Variants in GABRB1 observed in about 807,000 individuals in gnomAD.
GABRB1 encodes gamma-aminobutyric acid receptor subunit beta-1.
A neutral mutation model predicts 51.6 loss-of-function variants in GABRB1; 17 were observed. That is an observed-to-expected ratio of 0.33 (90% CI 0.23 to 0.49). The LOEUF (loss-of-function observed/expected upper bound fraction) is 0.49. GABRB1 is among the 20% of genes least tolerant of loss of function. The pLI is 0.99. For missense variants in GABRB1, 410 were observed against 600.6 expected, an observed-to-expected ratio of 0.68 and a Z score of 3.32; for synonymous variants, 247 against 218.9, an observed-to-expected ratio of 1.13 and a Z score of -1.14.
At chr4:47,018,230 G>T (rs1322449848) in intron 1 of GABRB1, among the ~76,000 whole-genome samples, 1 of 148,660 alleles carries the variant, frequency 6.7e-6, no homozygotes, top group South Asian at 2.1e-4. Flanking sequence ...CTCTCCATAT[G>T]TTGCCCAGGT....
intron 1 of GABRB1, among the ~76,000 whole-genome samples, chr4:47,008,056 C>G (rs569045174): frequency 7.2e-5 from 11 of 152,004 alleles, no homozygotes; most frequent in Non-Finnish European, 1.6e-4. Flanking sequence ...GTTGCTTGAA[C>G]TGGAATAGTG....
At chr4:47,267,054 G>T (rs188389227) in intron 4 of GABRB1, among the ~76,000 whole-genome samples, 8 of 152,158 alleles carry the variant, frequency 5.3e-5, no homozygotes, top group Admixed American at 5.2e-4. Flanking sequence ...AAATATACCT[G>T]TCCTGCTTTT....
chr4:47,352,109 G>C (rs1176844532), intron 5 of GABRB1, among the ~76,000 whole-genome samples: 1 of 152,104 alleles, frequency 6.6e-6, no homozygotes, highest in Non-Finnish European at 1.5e-5. Context: ...ATTCTAACTG[G>C]TGTGAGATGG....
At chr4:47,409,063 A>C (rs574708187) in intron 8 of GABRB1, among the ~76,000 whole-genome samples, 1 of 152,216 alleles carries the variant, frequency 6.6e-6, no homozygotes. Flanking sequence ...TTGGGCTGCC[A>C]TGCACTCAAA....
intron 3 of GABRB1, among the ~76,000 whole-genome samples, chr4:47,078,144 C>G (rs1051765933): frequency 2.0e-5 from 3 of 150,838 alleles, no homozygotes; most frequent in Non-Finnish European, 3.0e-5. Context: ...CATGCACCAC[C>G]ATGCCTGGCT....
chr4:47,033,238 G>C (rs1408285317), intron 3 of GABRB1, among the ~76,000 whole-genome samples: 15 of 152,214 alleles, frequency 9.9e-5, no homozygotes, highest in Admixed American at 6.5e-5. Context: ...GGGGGCGACA[G>C]TAACACAGCA....
At chr4:47,194,146 C>G (rs945836161) in intron 4 of GABRB1, among the ~76,000 whole-genome samples, 4 of 152,218 alleles carry the variant, frequency 2.6e-5, no homozygotes, top group African/African-American at 9.6e-5. Flanking sequence ...TCCTGCAAAA[C>G]TCATATCAAG....
chr4:47,032,422 C>T lies in GABRB1; in HGVS notation c.178C>T (p.Pro60Ser). 3.8e-6 allele frequency: 6 copies of T among 1,587,400 alleles called. No individual in the cohort carries two copies. Among genetic ancestry groups the T allele is most frequent in the Non-Finnish European group, 5.2e-6 (6 of 1,163,722 alleles). ...IRLRPDFGGPPVDVGMRIDVA... is the reference protein window; with the variant it reads ...IRLRPDFGGPSVDVGMRIDVA... ...GTGGCCCACCTCCCCGGCAGGGCCC[C>T]CCGTCGACGTTGGGATGCGGATCGA... Residue 60 changes from proline to serine, a missense_variant, in exon 3 of 9, where the codon CCC (proline) becomes TCC (serine). Transcript: ENST00000295454.
At chr4:46,993,761 C>T (rs908188491) in exon 1 of GABRB1, 1 of 242,618 alleles carries the variant, frequency 4.1e-6, no homozygotes, top group African/African-American at 2.3e-5. Context: ...TTTGTTCCGA[C>T]TGTAACTCCG....
At chr4:47,057,925 T>C (rs534047412) in intron 3 of GABRB1, among the ~76,000 whole-genome samples, 1 of 152,302 alleles carries the variant, frequency 6.6e-6, no homozygotes, top group South Asian at 2.1e-4. Context: ...ATGTTCCTGA[T>C]AGGGAATGAC....
In GABRB1 at chr4:47,350,204, TATATATATATATATAGAGAG is replaced by T. The variant is rs1379330472; in HGVS notation, c.544+29997_544+30016del. ...CAGATTATATATATATATATATATA[TATATATATATATATAGAGAG>T]AGAGAGAGAGAGAGAGAGAGGTTTT... On this transcript the variant is annotated intron_variant, in intron 5 of 8. Transcript: ENST00000295454. Among the ~76,000 whole-genome samples the T allele has an allele frequency of 2.5e-3, 231 of 93,304 alleles. 4 individuals are homozygous for T. The highest frequency in any genetic ancestry group is 0.01 in the African/African-American group (223 of 22,014). 61.2% of individuals were successfully genotyped at this position (93,304 alleles called of 152,430 possible). A position where few individuals can be genotyped will look rare whatever the true frequency, so the allele number is the denominator to read the frequency against.
chr4:47,307,947 TTAA>T (rs1724530273), intron 4 of GABRB1, among the ~76,000 whole-genome samples: 1 of 151,958 alleles, frequency 6.6e-6, no homozygotes, highest in Admixed American at 6.6e-5. Flanking sequence ...GTGAAGAAAA[TTAA>T]TAATATTTTG....
chr4:47,325,732 A>G (rs1171582710), intron 5 of GABRB1, among the ~76,000 whole-genome samples: 2 of 151,926 alleles, frequency 1.3e-5, no homozygotes, highest in Non-Finnish European at 2.9e-5. Context: ...TTCAGTCCTC[A>G]CCTCACATGC....
intron 3 of GABRB1, among the ~76,000 whole-genome samples, chr4:47,065,318 G>A (rs889301141): frequency 3.3e-5 from 5 of 152,158 alleles, no homozygotes; most frequent in Non-Finnish European, 7.3e-5. Context: ...GAACCCAAAT[G>A]GGCATTGTCT....
intron 5 of GABRB1, among the ~76,000 whole-genome samples, chr4:47,380,800 G>A (rs1727568251): frequency 6.6e-6 from 1 of 152,096 alleles, no homozygotes; most frequent in Admixed American, 6.5e-5. Context: ...CATAATCTCT[G>A]TACTTTTTTC....
rs16860178 is a variant in GABRB1, at chr4:47,380,323, T to C, written c.545-22995T>C. ...TAGACACACAGCGGACTTTCAGTGA[T>C]AAATATTTATATGAAATTTATCAAA... is the stretch of plus-strand genomic sequence containing the variant. On this transcript the variant is annotated intron_variant, in intron 5 of 8. Transcript: ENST00000295454. 6.7e-3 allele frequency among the ~76,000 whole-genome samples: 1,026 copies of C among 152,320 alleles called. 12 individuals carry two copies. Among genetic ancestry groups the C allele is most frequent in the African/African-American group, 0.023 (976 of 41,572 alleles).
intron 5 of GABRB1, among the ~76,000 whole-genome samples, chr4:47,398,789 T>TTTTGTTTTG (rs1273132193): frequency 5.2e-4 from 78 of 150,370 alleles, no homozygotes; most frequent in African/African-American, 1.8e-3. Flanking sequence ...TGTTTGTTTG[T>TTTTGTTTTG]TTTGTTTTGT....
At chr4:47,222,902 T>C (rs1714556706) in intron 4 of GABRB1, among the ~76,000 whole-genome samples, 1 of 152,148 alleles carries the variant, frequency 6.6e-6, no homozygotes, top group Admixed American at 6.6e-5. Flanking sequence ...ATCTAAAAAA[T>C]TCATTTCTCT....
At chr4:47,279,301 A>C (rs1018260305) in intron 4 of GABRB1, among the ~76,000 whole-genome samples, 1 of 152,220 alleles carries the variant, frequency 6.6e-6, no homozygotes, top group Non-Finnish European at 1.5e-5. Flanking sequence ...GCAGCCATTC[A>C]TTAGTGAGTG....
Sources: gnomAD v4.1 joint callset for allele counts (sites outside exome capture counted in the v4.1 genomes callset) on GRCh38, gnomAD v4.1.1 for gene constraint, MANE v1.5 for transcripts, NCBI Gene and HGNC (gene_info 2026-07-23, HGNC 2026-07-21) for gene names.